Variants in ADGRL2 observed in about 807,000 individuals in gnomAD.
The protein encoded by ADGRL2 is adhesion G protein-coupled receptor L2.
Under a neutral mutation model 157.4 loss-of-function variants are expected in ADGRL2, and 44 were observed. That is an observed-to-expected ratio of 0.28 (90% CI 0.22 to 0.36). The LOEUF (loss-of-function observed/expected upper bound fraction) is 0.36. ADGRL2 is among the 10% of genes least tolerant of loss of function. ADGRL2 has a pLI of 1.00. For missense variants in ADGRL2, 1,510 were observed against 1,768.9 expected (o/e 0.85, Z 2.63); for synonymous variants, 585 against 624.7 (o/e 0.94, Z 0.95).
At chr1:81,503,190 C>T in intron 2 of ADGRL2, 26 of 1,614,212 alleles carry the variant, frequency 1.6e-5, no homozygotes, top group Non-Finnish European at 2.2e-5. Flanking sequence ...CCATGAAGAT[C>T]AGGATCAACG....
intron 2 of ADGRL2, among the ~76,000 whole-genome samples, chr1:81,552,347 G>A (rs776416464): frequency 5.9e-5 from 9 of 151,898 alleles, no homozygotes; most frequent in Admixed American, 6.6e-5. Flanking sequence ...TTTTCATCTG[G>A]GATCCATTGG....
intron 23 of ADGRL2, chr1:81,988,331 T>C (rs1356463013): frequency 6.6e-6 from 1 of 152,214 alleles, no homozygotes; most frequent in Non-Finnish European, 1.5e-5. Flanking sequence ...TTTTGGATTA[T>C]ATCCAGTGTA....
At chr1:81,653,599 T>C (rs2082468250) in intron 3 of ADGRL2, among the ~76,000 whole-genome samples, 1 of 152,144 alleles carries the variant, frequency 6.6e-6, no homozygotes, top group South Asian at 2.1e-4. Flanking sequence ...TACCAGAGGG[T>C]AATCAAAAAC....
chr1:81,480,437 A>G (rs2147874905), intron 2 of ADGRL2, among the ~76,000 whole-genome samples: 1 of 152,316 alleles, frequency 6.6e-6, no homozygotes, highest in African/African-American at 2.4e-5. Context: ...GTTAAGAACT[A>G]TATGATGTTT....
chr1:81,419,186 C>T (rs1188693620), intron 1 of ADGRL2, among the ~76,000 whole-genome samples: 1 of 152,016 alleles, frequency 6.6e-6, no homozygotes, highest in African/African-American at 2.4e-5. Flanking sequence ...TACAGAAAGT[C>T]TTCTTTATCT....
chr1:81,524,302 C>T (rs2079400050), intron 2 of ADGRL2, among the ~76,000 whole-genome samples: 1 of 151,998 alleles, frequency 6.6e-6, no homozygotes, highest in Non-Finnish European at 1.5e-5. Flanking sequence ...GGAGGTGGAG[C>T]TTGCAGTGAG....
chr1:81,869,737 G>A (rs1458921260), intron 2 of ADGRL2, among the ~76,000 whole-genome samples: 1 of 152,004 alleles, frequency 6.6e-6, no homozygotes, highest in Non-Finnish European at 1.5e-5. Context: ...ACTCAGAATT[G>A]AGTAATATAC....
At chr1:81,769,393 A>G (rs2086264215) in intron 2 of ADGRL2, among the ~76,000 whole-genome samples, 1 of 152,120 alleles carries the variant, frequency 6.6e-6, no homozygotes, top group Non-Finnish European at 1.5e-5. Context: ...TGTGAGTAGT[A>G]ATACATTTTA....
intron 2 of ADGRL2, among the ~76,000 whole-genome samples, chr1:81,765,188 T>A (rs2086071432): frequency 6.6e-6 from 1 of 152,130 alleles, no homozygotes; most frequent in South Asian, 2.1e-4. Flanking sequence ...CACACAGATT[T>A]GTATATGGAA....
intron 1 of ADGRL2, among the ~76,000 whole-genome samples, chr1:81,710,502 C>T (rs1379660590): frequency 6.6e-6 from 1 of 151,378 alleles, no homozygotes; most frequent in Non-Finnish European, 1.5e-5. Flanking sequence ...CACCTGTAGT[C>T]CCAGCTACTC....
At chr1:81,695,738 T>C (rs773673624), upstream of ADGRL2, among the ~76,000 whole-genome samples, 3 of 151,822 alleles carry the variant, frequency 2.0e-5, no homozygotes, top group Admixed American at 1.3e-4. Flanking sequence ...GGAGAATCGC[T>C]TGAAGCTGGG....
chr1:81,557,730 C>T (rs888512405), intron 2 of ADGRL2: 2 of 152,124 alleles, frequency 1.3e-5, no homozygotes, highest in Non-Finnish European at 2.9e-5. Flanking sequence ...TAGAAGGTCT[C>T]AGAGCACGTG....
chr1:81,746,719 A>G (rs1044300772), intron 1 of ADGRL2, among the ~76,000 whole-genome samples: 2 of 152,060 alleles, frequency 1.3e-5, no homozygotes, highest in African/African-American at 4.8e-5. Context: ...AAATCATATT[A>G]TCATAATTAC....
intron 1 of ADGRL2, among the ~76,000 whole-genome samples, chr1:81,438,112 A>G (rs918712990): frequency 7.2e-5 from 11 of 152,252 alleles, no homozygotes; most frequent in African/African-American, 2.6e-4. Flanking sequence ...AAATGTGTAG[A>G]AAGACATGAG....
Position 81,952,314 on chromosome 1 carries a change from G to A in ADGRL2, c.1794+172G>A, listed in dbSNP as rs570749576. On this transcript the variant is annotated intron_variant, in intron 9 of 23. Coordinates refer to ENST00000686636, the MANE Select transcript of ADGRL2 (RefSeq NM_001366006.2). ...ATTACAGTTGAGAAAAGAGCAATGT[G>A]CCCTGCCCTCCCAAAAGAGTGTAAA... Among the ~76,000 whole-genome samples, 5 of 152,210 alleles carry A rather than the reference G, an allele frequency of 3.3e-5. No individual in the cohort carries two copies. The South Asian group carries it at 8.3e-4, about 25-fold the overall frequency.
At chr1:81,680,214 A>T (rs1357070490) in intron 3 of ADGRL2, among the ~76,000 whole-genome samples, 1 of 152,186 alleles carries the variant, frequency 6.6e-6, no homozygotes, top group Non-Finnish European at 1.5e-5. Flanking sequence ...GTGCACAAGA[A>T]TTGCTCAATC....
At chr1:81,826,925 A>T (rs2091536535) in intron 1 of ADGRL2, among the ~76,000 whole-genome samples, 1 of 152,128 alleles carries the variant, frequency 6.6e-6, no homozygotes, top group African/African-American at 2.4e-5. Context: ...GCCTTGATTT[A>T]TTTCAGTGTG....
At chr1:81,803,175 G>C (rs1313681635) in intron 1 of ADGRL2, among the ~76,000 whole-genome samples, 2 of 152,064 alleles carry the variant, frequency 1.3e-5, no homozygotes, top group African/African-American at 2.4e-5. Flanking sequence ...AGAAAGGCGT[G>C]GGAGGAGCGC....
intron 2 of ADGRL2, among the ~76,000 whole-genome samples, chr1:81,882,277 C>T (rs1271510141): frequency 6.6e-6 from 1 of 152,008 alleles, no homozygotes; most frequent in East Asian, 1.9e-4. Context: ...TGCTTTCTGG[C>T]AGACCTATTG....
Sources: allele counts gnomAD v4.1 joint callset (sites outside exome capture counted in the v4.1 genomes callset), GRCh38; gene constraint gnomAD v4.1.1; transcripts MANE v1.5; gene names NCBI Gene and HGNC (gene_info 2026-07-23, HGNC 2026-07-21).